Variants in SCLT1 observed in about 807,000 individuals in gnomAD.
SCLT1 encodes sodium channel-associated protein 1.
A neutral mutation model predicts 112.8 loss-of-function variants in SCLT1; 78 were observed. The ratio of observed to expected loss-of-function variants is 0.69; its 90% CI spans 0.58 to 0.83. The LOEUF (loss-of-function observed/expected upper bound fraction) is 0.83. Among genes scored for constraint, SCLT1 ranks in the 40% least tolerant of loss-of-function variants. The pLI, the probability that SCLT1 is intolerant of heterozygous loss-of-function variation, is 0.00. For missense variants in SCLT1, 747 were observed against 770.4 expected, an observed-to-expected ratio of 0.97 and a Z score of 0.36; for synonymous variants, 257 against 254.7, an observed-to-expected ratio of 1.01 and a Z score of -0.09.
intron 18 of SCLT1, among the ~76,000 whole-genome samples, chr4:128,929,715 A>T (rs1370735191): frequency 2.6e-5 from 4 of 152,218 alleles, no homozygotes; most frequent in Non-Finnish European, 4.4e-5. Flanking sequence ...ATTATGACAA[A>T]AGGGGCAGTG....
At position 128,917,200 on chromosome 4, in the gene SCLT1, C is replaced by A. The variant is rs1343963501; in HGVS notation, c.1829+19455G>T. On this transcript the variant is annotated intron_variant, in intron 18 of 20. Coordinates refer to ENST00000281142, the MANE Select transcript of SCLT1 (RefSeq NM_144643.4). Reference sequence around the variant, plus strand: ...TGACCCCAGTGCTTCTCGAGTGGTCCTGTGTGGTGTGCTGTGTTTGTCCAG... The same window carrying A: ...TGACCCCAGTGCTTCTCGAGTGGTCATGTGTGGTGTGCTGTGTTTGTCCAG... Among the ~76,000 whole-genome samples, 6 of 152,118 alleles carry A rather than the reference C, an allele frequency of 3.9e-5. No individual in the cohort carries two copies. In the East Asian group the frequency reaches 1.2e-3, roughly 29 times the overall value.
intron 9 of SCLT1, among the ~76,000 whole-genome samples, chr4:128,977,410 G>A (rs149857762): frequency 7.7e-4 from 117 of 152,244 alleles, no homozygotes; most frequent in African/African-American, 2.7e-3. Context: ...CTTCAGCACT[G>A]GTGATGCAGT....
At chr4:129,013,354 G>A (rs557086817) in intron 5 of SCLT1, among the ~76,000 whole-genome samples, 6 of 152,208 alleles carry the variant, frequency 3.9e-5, no homozygotes, top group South Asian at 2.1e-4. Flanking sequence ...TCCTGTCATC[G>A]TGTCAGCTGG....
At chr4:129,078,291 T>A (rs1751634579) in intron 2 of SCLT1, among the ~76,000 whole-genome samples, 1 of 152,232 alleles carries the variant, frequency 6.6e-6, no homozygotes, top group Non-Finnish European at 1.5e-5. Flanking sequence ...GTCACCATTA[T>A]GCTATCTGTT....
At chr4:129,064,368 C>G (rs887278523) in intron 2 of SCLT1, among the ~76,000 whole-genome samples, 3 of 152,050 alleles carry the variant, frequency 2.0e-5, no homozygotes, top group African/African-American at 7.2e-5. Flanking sequence ...TTTTATGGAC[C>G]ATGCTTGTGA....
rs780692789 is a variant in SCLT1, at chr4:128,946,133, C to T, written c.1313G>A (p.Gly438Glu). The change falls in exon 16 of 21, where the codon GGA (glycine) becomes GAA (glutamate). Residue 438 changes from glycine (G) to glutamate (E), a missense_variant. Physicochemically the swap from Gly to Glu is moderately conservative, Grantham distance 98 (BLOSUM62 -2). This residue lies in a region of SCLT1 where 723 missense variants were observed against 721.3 expected (regional missense o/e 1.00). Transcript: ENST00000281142. ...CAGTTTTCTGTAATCACTCTCATTT[C>T]CTCTGCCTTCACGGTAAATCTGCAG... ...ELEKIYREGR[G>E]NESDYRKLEE... The T allele has an allele frequency of 1.2e-6, 2 of 1,605,532 alleles. No individual in the cohort carries two copies. The highest frequency in any genetic ancestry group is 2.2e-5 in the South Asian group (2 of 90,728).
intron 2 of SCLT1, among the ~76,000 whole-genome samples, chr4:129,058,703 T>C (rs939226678): frequency 3.3e-5 from 5 of 152,216 alleles, no homozygotes; most frequent in African/African-American, 1.2e-4. Flanking sequence ...AATAAAAATT[T>C]ATATAAATGT....
intron 1 of SCLT1, among the ~76,000 whole-genome samples, chr4:129,088,940 T>C (rs564255856): frequency 5.3e-5 from 8 of 152,320 alleles, no homozygotes; most frequent in Non-Finnish European, 1.2e-4. Flanking sequence ...GACACAGGCA[T>C]GGGCAAAGAC....
chr4:129,060,915 G>A (rs1040919772), intron 2 of SCLT1, among the ~76,000 whole-genome samples: 4 of 152,050 alleles, frequency 2.6e-5, no homozygotes, highest in African/African-American at 4.8e-5. Context: ...GGCAGGTTTG[G>A]ATGTAGAGTG....
intron 18 of SCLT1, among the ~76,000 whole-genome samples, chr4:128,923,432 G>A (rs1736031530): frequency 8.9e-6 from 1 of 112,370 alleles, no homozygotes; most frequent in Non-Finnish European, 1.7e-5. Context: ...GTGACAGAGT[G>A]AGACTCCATC....
chr4:129,073,474 GATGA>G (rs907489537), intron 2 of SCLT1, among the ~76,000 whole-genome samples: 10 of 152,022 alleles, frequency 6.6e-5, no homozygotes, highest in Admixed American at 2.0e-4. Flanking sequence ...GAAGGTGGGG[GATGA>G]ATAACATTTT....
chr4:128,944,346 G>A (rs917995356), intron 16 of SCLT1, among the ~76,000 whole-genome samples: 2 of 151,978 alleles, frequency 1.3e-5, no homozygotes, highest in South Asian at 2.1e-4. Flanking sequence ...CCTAATAGAC[G>A]TCCACAATAT....
At chr4:128,917,376 T>G (rs1161422135) in intron 18 of SCLT1, among the ~76,000 whole-genome samples, 2 of 152,222 alleles carry the variant, frequency 1.3e-5, no homozygotes, top group East Asian at 3.8e-4. Flanking sequence ...TAAGATCAAC[T>G]ACTGTTTCTT....
At chr4:128,957,247 T>C (rs1739298870) in intron 12 of SCLT1, 123 bp from the exon 13 acceptor site, 1 of 548,600 alleles carries the variant, frequency 1.8e-6, no homozygotes, top group Non-Finnish European at 3.2e-6. Flanking sequence ...TACTTGAATA[T>C]CATGTTGAAA....
At chr4:129,012,830 C>T (rs1018627510) in intron 5 of SCLT1, among the ~76,000 whole-genome samples, 7 of 148,404 alleles carry the variant, frequency 4.7e-5, no homozygotes, top group African/African-American at 1.2e-4. Context: ...AAACTAGGAT[C>T]GTAACCCCTA....
chr4:128,894,363 AACACACACACACACACACACACACAC>A (rs10522940), intron 18 of SCLT1, among the ~76,000 whole-genome samples: 5 of 143,112 alleles, frequency 3.5e-5, no homozygotes, highest in African/African-American at 7.7e-5. Context: ...TTGAGTAAGT[AACACACACACACACACACACACACAC>A]ACACACACAC....
intron 18 of SCLT1, among the ~76,000 whole-genome samples, chr4:128,929,222 T>C (rs1736558558): frequency 6.6e-6 from 1 of 152,088 alleles, no homozygotes; most frequent in African/African-American, 2.4e-5. Context: ...GTATAAACAA[T>C]GATGAGAAAA....
intron 9 of SCLT1, among the ~76,000 whole-genome samples, chr4:128,973,533 AGAGAGAGAGAAT>A (rs1740888838): frequency 6.6e-6 from 1 of 151,704 alleles, no homozygotes; most frequent in South Asian, 2.1e-4. Flanking sequence ...AGAGAGAGAA[AGAGAGAGAGAAT>A]GTTACAGTAC....
chr4:128,910,100 T>C (rs1734973411), intron 18 of SCLT1, among the ~76,000 whole-genome samples: 1 of 152,216 alleles, frequency 6.6e-6, no homozygotes, highest in Non-Finnish European at 1.5e-5. Context: ...CTTATACACA[T>C]GCAAGTATTT....
Sources: allele counts gnomAD v4.1 joint callset (sites outside exome capture counted in the v4.1 genomes callset), GRCh38; gene constraint gnomAD v4.1.1; regional missense constraint gnomAD v4.1.1; transcripts MANE v1.5; gene names NCBI Gene and HGNC (gene_info 2026-07-23, HGNC 2026-07-21).